The following GRB10 variants were observed in gnomAD, a reference collection of about 807,000 sequenced individuals.
GRB10 encodes growth factor receptor-bound protein 10.
In GRB10, 20 loss-of-function variants were observed where a neutral mutation model predicts 80.9. That is an observed-to-expected ratio of 0.25 (90% CI 0.17 to 0.36). The LOEUF is 0.36. GRB10 is among the 10% of genes least tolerant of loss of function. The pLI, the probability that GRB10 is intolerant of heterozygous loss-of-function variation, is 1.00. For missense variants in GRB10, 548 were observed against 747.7 expected (o/e 0.73, Z 3.12); for synonymous variants, 291 against 291.5 (o/e 1.00, Z 0.02).
intron 5 of GRB10, among the ~76,000 whole-genome samples, chr7:50,675,192 G>A (rs1399997980): frequency 1.3e-5 from 2 of 152,372 alleles, no homozygotes; most frequent in East Asian, 1.9e-4. Flanking sequence ...GTGTGTGGCT[G>A]CTACTACAAC....
intron 4 of GRB10, among the ~76,000 whole-genome samples, chr7:50,730,994 A>G (rs6593142): frequency 0.91 from 138,437 of 152,200 alleles, 63,102 homozygotes; most frequent in African/African-American, 0.97. Context: ...ACAACTAGCT[A>G]ACACTAACTG....
At chr7:50,700,060 AC>A (rs1171283537) in intron 5 of GRB10, among the ~76,000 whole-genome samples, 1 of 151,828 alleles carries the variant, frequency 6.6e-6, no homozygotes, top group Admixed American at 6.6e-5. Context: ...AATGGCACGA[AC>A]CCAGGTGGCA....
At chr7:50,769,900 TCA>T (rs2076805114) in intron 2 of GRB10, among the ~76,000 whole-genome samples, 1 of 152,192 alleles carries the variant, frequency 6.6e-6, no homozygotes, top group Non-Finnish European at 1.5e-5. Context: ...GACGTTGGTA[TCA>T]CAGTTTCTTT....
intron 7 of GRB10, among the ~76,000 whole-genome samples, chr7:50,669,291 G>A (rs1029609807): frequency 2.6e-5 from 4 of 152,206 alleles, no homozygotes; most frequent in Non-Finnish European, 5.9e-5. Context: ...GCATGTGCTC[G>A]GCTTCTGATG....
intron 5 of GRB10, among the ~76,000 whole-genome samples, chr7:50,692,569 A>C (rs921942183): frequency 3.9e-5 from 6 of 152,134 alleles, no homozygotes; most frequent in African/African-American, 1.4e-4. Context: ...TCCCACAAGA[A>C]GGGGAGAGGC....
chr7:50,655,185 T>A (rs2058511176), intron 7 of GRB10, among the ~76,000 whole-genome samples: 1 of 152,234 alleles, frequency 6.6e-6, no homozygotes, highest in Non-Finnish European at 1.5e-5. Context: ...GTAGAGATGC[T>A]GTGTCCCCCT....
intron 5 of GRB10, among the ~76,000 whole-genome samples, chr7:50,690,991 C>A (rs1377632703): frequency 1.3e-5 from 2 of 152,204 alleles, no homozygotes; most frequent in Admixed American, 1.3e-4. Flanking sequence ...AGGTCTGCTG[C>A]TTGCCTAACA....
At chr7:50,725,057 A>ACCTG (rs2068381795) in intron 4 of GRB10, among the ~76,000 whole-genome samples, 1 of 152,102 alleles carries the variant, frequency 6.6e-6, no homozygotes, top group African/African-American at 2.4e-5. Flanking sequence ...TCTGCTGGTT[A>ACCTG]CCTGCCTGCT....
intron 17 of GRB10, among the ~76,000 whole-genome samples, chr7:50,597,993 A>C (rs911715727): frequency 6.6e-6 from 1 of 151,770 alleles, no homozygotes; most frequent in African/African-American, 2.4e-5. Flanking sequence ...CCTCCCAAGT[A>C]GCTGGGACTA....
intron 3 of GRB10, chr7:50,747,486 G>T (rs1454770993): frequency 2.6e-5 from 4 of 152,180 alleles, no homozygotes; most frequent in African/African-American, 9.7e-5. Context: ...CATTTTCAAA[G>T]ATGGTTTTAC....
chr7:50,592,714 C>G lies in GRB10; in HGVS notation c.*238G>C. ...GTTTATTTTCAACTTTCCGCTGGAT[C>G]TTCCATGCCCTCCCCAATTTGGCCG... On this transcript the variant is annotated 3_prime_UTR_variant, in exon 19 of 19. Transcript: ENST00000401949. 1.8e-6 allele frequency: 1 copy of G among 561,898 alleles called. No individual in the cohort carries two copies. The highest frequency in any genetic ancestry group is 1.9e-5 in the African/African-American group (1 of 53,276). 34.8% of individuals were successfully genotyped at this position (561,898 alleles called of 1,614,324 possible).
rs926063829 is a variant in GRB10 at position 50,716,719 on chromosome 7, C to A, written c.52-12811G>T. On this transcript the variant is annotated intron_variant, in intron 4 of 18. Coordinates refer to ENST00000401949, the MANE Select transcript of GRB10 (RefSeq NM_001350814.2). ...AGGATTAACCAGACATTGGACACCACGCTTCTCTCCCCTCCCTCCATCCCC... is the reference window on the plus strand; with the variant it reads ...AGGATTAACCAGACATTGGACACCAAGCTTCTCTCCCCTCCCTCCATCCCC... Among the ~76,000 whole-genome samples the A allele has an allele frequency of 2.6e-5, 4 of 152,328 alleles. No individual in the cohort carries two copies. The East Asian group carries it at 7.7e-4, about 29-fold the overall frequency.
At chr7:50,774,766 A>T (rs1056276538) in intron 2 of GRB10, among the ~76,000 whole-genome samples, 3 of 152,128 alleles carry the variant, frequency 2.0e-5, no homozygotes, top group Admixed American at 6.6e-5. Flanking sequence ...GTCTTATCTC[A>T]GGCCAGGATC....
chr7:50,630,570 C>T (rs757439853), intron 7 of GRB10, among the ~76,000 whole-genome samples: 1 of 152,198 alleles, frequency 6.6e-6, no homozygotes, highest in Non-Finnish European at 1.5e-5. Context: ...AAAGCTGCTT[C>T]CAACTCAGGA....
chr7:50,628,085 A>G (rs1338509981), intron 7 of GRB10, among the ~76,000 whole-genome samples: 1 of 152,172 alleles, frequency 6.6e-6, no homozygotes, highest in Non-Finnish European at 1.5e-5. Flanking sequence ...AACCGCAACA[A>G]CACAACTCTC....
At chr7:50,606,458 GA>G in intron 13 of GRB10, 44 bp from the exon 14 acceptor site, 1 of 1,447,970 alleles carries the variant, frequency 6.9e-7, no homozygotes, top group Non-Finnish European at 9.7e-7. Flanking sequence ...CGGGAGCCCC[GA>G]GGCCCGGCAT....
chr7:50,761,600 A>G (rs1269647314), intron 2 of GRB10: 1 of 152,260 alleles, frequency 6.6e-6, no homozygotes, highest in Admixed American at 6.5e-5. Flanking sequence ...CAATGGCAGT[A>G]TCAGATGTAA....
At chr7:50,595,602 T>TACAGACAC in intron 17 of GRB10, 72 bp from the exon 18 acceptor site, 9 of 560,262 alleles carry the variant, frequency 1.6e-5, no homozygotes, top group African/African-American at 1.6e-4. Flanking sequence ...CACACTCTCT[T>TACAGACAC]ACACACACAC....
chr7:50,598,473 T>C (rs543576667), intron 17 of GRB10, among the ~76,000 whole-genome samples: 12 of 152,176 alleles, frequency 7.9e-5, no homozygotes, highest in Non-Finnish European at 1.5e-4. Context: ...CCATCATAAA[T>C]GAACGAAGAG....
Sources: allele counts gnomAD v4.1 joint callset (sites outside exome capture counted in the v4.1 genomes callset), GRCh38; gene constraint gnomAD v4.1.1; transcripts MANE v1.5; gene names NCBI Gene and HGNC (gene_info 2026-07-23, HGNC 2026-07-21).